Variants in TMEM26 observed in about 807,000 individuals in gnomAD.
TMEM26 encodes the protein transmembrane protein 26.
In TMEM26, 38 loss-of-function variants were observed where a neutral mutation model predicts 28.8. The observed-to-expected ratio is 1.32, with a 90% confidence interval of 1.02 to 1.73. The LOEUF is 1.73. TMEM26 is among the 40% of genes most tolerant of loss of function. TMEM26 has a pLI of 0.00. For missense variants in TMEM26, 518 were observed against 447.1 expected (o/e 1.16, Z -1.43); for synonymous variants, 227 against 182.9 (o/e 1.24, Z -1.95).
At chr10:61,423,932 C>T (rs1359481668) in intron 4 of TMEM26, among the ~76,000 whole-genome samples, 1 of 152,004 alleles carries the variant, frequency 6.6e-6, no homozygotes, top group Non-Finnish European at 1.5e-5. Context: ...TCCCAATAAT[C>T]TAGAAATAAA....
chr10:61,439,853 T>C (rs1301845687), intron 1 of TMEM26, among the ~76,000 whole-genome samples: 1 of 152,232 alleles, frequency 6.6e-6, no homozygotes, highest in Non-Finnish European at 1.5e-5. Context: ...TTATTTATGC[T>C]TATGAAGGAC....
intron 1 of TMEM26, among the ~76,000 whole-genome samples, chr10:61,450,613 T>C (rs1840260817): frequency 6.6e-6 from 1 of 151,628 alleles, no homozygotes; most frequent in African/African-American, 2.4e-5. Context: ...ACTCATTTGT[T>C]GCTGAAATTT....
intron 4 of TMEM26, among the ~76,000 whole-genome samples, chr10:61,428,101 G>A (rs574839454): frequency 7.2e-5 from 11 of 152,164 alleles, no homozygotes; most frequent in South Asian, 2.1e-4. Flanking sequence ...AGTGTATTTC[G>A]TTGAGCTTTA....
At chr10:61,426,932 G>T (rs757164032) in intron 4 of TMEM26, among the ~76,000 whole-genome samples, 6 of 151,980 alleles carry the variant, frequency 3.9e-5, no homozygotes, top group Non-Finnish European at 7.4e-5. Flanking sequence ...TTTTAGGAGA[G>T]AGAAAAATTT....
chr10:61,410,509 A>AGCACCACCAAGCGGTAGAGTT lies in TMEM26; in HGVS notation c.899_919dup (p.Gln300_Val306dup). ...CAACGAAGCACGGACTGCCAATGCC[A>AGCACCACCAAGCGGTAGAGTT]GCACCACCAAGCGGTAGAGTTGCAA... is the stretch of plus-strand genomic sequence containing the variant. On this transcript the variant is annotated inframe_insertion, in exon 6 of 6. Transcript: ENST00000399298. 1 of 1,614,120 alleles carries AGCACCACCAAGCGGTAGAGTT rather than the reference A, an allele frequency of 6.2e-7. No homozygotes were observed. Among genetic ancestry groups the AGCACCACCAAGCGGTAGAGTT allele is most frequent in the Non-Finnish European group, 8.5e-7 (1 of 1,180,022 alleles).
chr10:61,409,180 G>A lies in TMEM26; in HGVS notation c.*1142C>T, dbSNP rs563774109. On this transcript the variant is annotated 3_prime_UTR_variant, in exon 6 of 6. Coordinates refer to ENST00000399298, the MANE Select transcript of TMEM26 (RefSeq NM_178505.8). ...TCACCTCCATCTGGAAAGTATAGAG[G>A]TATGTAAAGGAAAAGTATGGCTATT... 73 of 152,290 alleles carry A rather than the reference G, an allele frequency of 4.8e-4. No homozygotes were observed. Among genetic ancestry groups the A allele is most frequent in the African/African-American group, 1.6e-3 (68 of 41,534 alleles). 9.4% of individuals were successfully genotyped at this position (152,290 alleles called of 1,614,324 possible).
intron 4 of TMEM26, chr10:61,414,859 T>A (rs548606227): frequency 2.4e-4 from 92 of 379,198 alleles, no homozygotes; most frequent in African/African-American, 2.0e-3. Flanking sequence ...ATGACAGACA[T>A]TCAGATTTAA....
At chr10:61,446,186 T>G (rs919778355) in intron 1 of TMEM26, among the ~76,000 whole-genome samples, 3 of 152,168 alleles carry the variant, frequency 2.0e-5, no homozygotes, top group Non-Finnish European at 4.4e-5. Flanking sequence ...AAATATGACT[T>G]CTTCTTGGGA....
chr10:61,440,330 C>T (rs548440786), intron 1 of TMEM26, among the ~76,000 whole-genome samples: 99 of 152,210 alleles, frequency 6.5e-4, no homozygotes, highest in African/African-American at 2.3e-3. Context: ...ATACAAACAT[C>T]GTTATGCTTA....
At chr10:61,441,627 T>A (rs1840094961) in intron 1 of TMEM26, among the ~76,000 whole-genome samples, 1 of 152,158 alleles carries the variant, frequency 6.6e-6, no homozygotes, top group Non-Finnish European at 1.5e-5. Context: ...TTATATCACG[T>A]TTCTGGATAA....
At chr10:61,429,275 T>A in intron 3 of TMEM26, 129 bp from the exon 4 acceptor site, 1 of 727,510 alleles carries the variant, frequency 1.4e-6, no homozygotes, top group Non-Finnish European at 2.2e-6. Flanking sequence ...ATTCTTTACT[T>A]ACTAAAGAAA....
intron 4 of TMEM26, among the ~76,000 whole-genome samples, chr10:61,418,653 G>A (rs751516617): frequency 3.3e-4 from 50 of 152,210 alleles, no homozygotes; most frequent in Admixed American, 5.9e-4. Context: ...ACACTCAGCG[G>A]TGTGGTCAAT....
At chr10:61,422,698 G>T (rs562710532) in intron 4 of TMEM26, among the ~76,000 whole-genome samples, 1 of 151,912 alleles carries the variant, frequency 6.6e-6, no homozygotes, top group Non-Finnish European at 1.5e-5. Context: ...TAGAGGAGAC[G>T]AAAGGTCTCA....
chr10:61,450,691 A>G (rs1278042577), intron 1 of TMEM26, among the ~76,000 whole-genome samples: 1 of 151,766 alleles, frequency 6.6e-6, no homozygotes, highest in Admixed American at 6.6e-5. Flanking sequence ...ATACTATGCC[A>G]GCAAGATTTT....
At chr10:61,428,521 G>A (rs12415904) in intron 4 of TMEM26, among the ~76,000 whole-genome samples, 1 of 152,032 alleles carries the variant, frequency 6.6e-6, no homozygotes, top group Non-Finnish European at 1.5e-5. Flanking sequence ...TTAAACTGTA[G>A]CTATGCTGTG....
rs1242587844 is a variant in TMEM26, at chr10:61,431,242, T to C, written c.361A>G (p.Arg121Gly). The C allele has an allele frequency of 9.3e-6, 15 of 1,612,936 alleles. No homozygotes were observed. Among genetic ancestry groups the C allele is most frequent in the Non-Finnish European group, 1.3e-5 (15 of 1,179,124 alleles). ...ACCGTCTCAATGAGATCATCAGCTCTACTGGTTTGTTCATTGGATGTCAAT... is the reference window on the plus strand; with the variant it reads ...ACCGTCTCAATGAGATCATCAGCTCCACTGGTTTGTTCATTGGATGTCAAT... ...QTLTSNEQTS[R>G]ADDLIETAKV... The change falls in exon 3 of 6, where the codon AGA becomes GGA. Residue 121 changes from arginine (R) to glycine (G), a missense_variant. By Grantham distance (125) the Arg-to-Gly change is moderately radical. Coordinates refer to ENST00000399298, the MANE Select transcript of TMEM26 (RefSeq NM_178505.8).
intron 4 of TMEM26, among the ~76,000 whole-genome samples, chr10:61,424,792 A>T (rs1839803593): frequency 6.6e-6 from 1 of 152,198 alleles, no homozygotes; most frequent in African/African-American, 2.4e-5. Flanking sequence ...CTGATTTTTG[A>T]CAAAGATGCT....
chr10:61,417,445 C>T (rs1839671350), intron 4 of TMEM26, among the ~76,000 whole-genome samples: 1 of 145,366 alleles, frequency 6.9e-6, no homozygotes, highest in Non-Finnish European at 1.5e-5. Context: ...AAGACAGAAT[C>T]AGTGGATAGA....
At chr10:61,438,415 C>G (rs1342035621) in intron 1 of TMEM26, among the ~76,000 whole-genome samples, 5 of 152,118 alleles carry the variant, frequency 3.3e-5, no homozygotes, top group African/African-American at 1.2e-4. Flanking sequence ...TAGGAATATG[C>G]ATATTTTGGT....
Sources: gnomAD v4.1 joint callset for allele counts (sites outside exome capture counted in the v4.1 genomes callset) on GRCh38, gnomAD v4.1.1 for gene constraint, MANE v1.5 for transcripts, NCBI Gene and HGNC (gene_info 2026-07-23, HGNC 2026-07-21) for gene names.